The following MDGA2 variants were observed in gnomAD, a reference collection of about 807,000 sequenced individuals.
The protein encoded by MDGA2 is MAM domain-containing glycosylphosphatidylinositol anchor protein 2.
In MDGA2, 40 loss-of-function variants were observed where a neutral mutation model predicts 117.8. That is an observed-to-expected ratio of 0.34 (90% confidence interval 0.26 to 0.44). The LOEUF is 0.44. Ranked by LOEUF, MDGA2 falls within the 20% of genes least tolerant of loss-of-function variation. The probability of loss-of-function intolerance (pLI) is 1.00; values close to 1 mark genes in which losing one functional copy is unlikely to be tolerated. For synonymous variants in MDGA2, 452 were observed against 439.0 expected, an observed-to-expected ratio of 1.03 and a Z score of -0.37; for missense variants, 1,123 against 1,250.6, an observed-to-expected ratio of 0.90 and a Z score of 1.54.
intron 3 of MDGA2, among the ~76,000 whole-genome samples, chr14:47,177,650 T>C (rs966162416): frequency 6.6e-6 from 1 of 152,080 alleles, no homozygotes; most frequent in African/African-American, 2.4e-5. Flanking sequence ...GGGACTGTTG[T>C]GGCATGAGGG....
In MDGA2 at chr14:47,591,073, A is replaced by G. The variant is rs530621395; in HGVS notation, c.280+83444T>C. 3.8e-3 allele frequency among the ~76,000 whole-genome samples: 572 copies of G among 152,216 alleles called. 6 individuals are homozygous for G. The highest frequency in any genetic ancestry group is 0.013 in the African/African-American group (551 of 41,556). Reference sequence around the variant, plus strand: ...CACCTTTAAACTGGCAATGAATAGAACTTTGATAAGTCAAAAGAAATGATT... The same window carrying G: ...CACCTTTAAACTGGCAATGAATAGAGCTTTGATAAGTCAAAAGAAATGATT... On this transcript the variant is annotated intron_variant, in intron 1 of 16. Transcript: ENST00000399232.
At chr14:46,973,429 T>C (rs962125312) in intron 8 of MDGA2, among the ~76,000 whole-genome samples, 1 of 152,140 alleles carries the variant, frequency 6.6e-6, no homozygotes, top group Admixed American at 6.6e-5. Context: ...GTGCAGCTTA[T>C]ACATAAAGCT....
At chr14:47,199,529 G>C (rs113248754) in intron 3 of MDGA2, among the ~76,000 whole-genome samples, 3,148 of 152,194 alleles carry the variant, frequency 0.021, 115 homozygotes, top group African/African-American at 0.069. Context: ...GAGTGTACCT[G>C]AGAAAAACAT....
intron 1 of MDGA2, among the ~76,000 whole-genome samples, chr14:47,562,420 C>T (rs72670757): frequency 0.011 from 1,738 of 152,190 alleles, 13 homozygotes; most frequent in South Asian, 0.021. Context: ...AATATCAGAA[C>T]TCATTATTGG....
At chr14:47,634,939 C>A (rs1258800861) in intron 1 of MDGA2, among the ~76,000 whole-genome samples, 1 of 152,006 alleles carries the variant, frequency 6.6e-6, no homozygotes, top group African/African-American at 2.4e-5. Context: ...CATAGTTTAA[C>A]ACTTCTTTAA....
chr14:47,306,180 G>T (rs1889438691), intron 1 of MDGA2: 1 of 152,218 alleles, frequency 6.6e-6, no homozygotes, highest in Non-Finnish European at 1.5e-5. Context: ...CATTTTAGAG[G>T]TCTTGTTAGA....
chr14:46,887,605 T>C (rs894695614), intron 10 of MDGA2, among the ~76,000 whole-genome samples: 4 of 151,950 alleles, frequency 2.6e-5, no homozygotes, highest in African/African-American at 9.7e-5. Flanking sequence ...TGAATTTACA[T>C]ACAGTGGTGA....
intron 6 of MDGA2, among the ~76,000 whole-genome samples, chr14:47,069,671 CT>C (rs1890209462): frequency 6.6e-6 from 1 of 152,166 alleles, no homozygotes; most frequent in Non-Finnish European, 1.5e-5. Context: ...TTGATGTTCT[CT>C]TTCCTTTTGC....
intron 1 of MDGA2, among the ~76,000 whole-genome samples, chr14:47,406,669 A>G (rs1892267879): frequency 6.6e-6 from 1 of 152,044 alleles, no homozygotes; most frequent in South Asian, 2.1e-4. Context: ...TTTGGACTTA[A>G]TGGCTACTGA....
At chr14:46,898,781 A>G (rs545752602) in intron 10 of MDGA2, among the ~76,000 whole-genome samples, 2 of 152,236 alleles carry the variant, frequency 1.3e-5, no homozygotes, top group South Asian at 4.1e-4. Flanking sequence ...GGAAAATGAA[A>G]TATTTCATTA....
At chr14:47,321,540 A>G (rs1421133200) in intron 1 of MDGA2, among the ~76,000 whole-genome samples, 2 of 152,186 alleles carry the variant, frequency 1.3e-5, no homozygotes, top group African/African-American at 4.8e-5. Flanking sequence ...TGAGATTACC[A>G]TCTGCTATTC....
At chr14:47,379,570 T>C (rs1891564010) in intron 1 of MDGA2, among the ~76,000 whole-genome samples, 1 of 151,944 alleles carries the variant, frequency 6.6e-6, no homozygotes, top group Non-Finnish European at 1.5e-5. Context: ...GGGGTTACAA[T>C]CCTAGTCTCG....
At chr14:46,976,590 A>C (rs769445968) in intron 8 of MDGA2, among the ~76,000 whole-genome samples, 23 of 151,904 alleles carry the variant, frequency 1.5e-4, no homozygotes, top group Non-Finnish European at 2.8e-4. Flanking sequence ...ATTCTTTGAA[A>C]ATATAAAAAG....
intron 9 of MDGA2, among the ~76,000 whole-genome samples, chr14:46,927,588 T>A (rs1006305117): frequency 6.6e-6 from 1 of 152,154 alleles, no homozygotes; most frequent in Non-Finnish European, 1.5e-5. Context: ...AACAGTGAAG[T>A]CAATGACAAC....
chr14:47,548,965 A>G (rs1368437917), intron 1 of MDGA2, among the ~76,000 whole-genome samples: 1 of 152,178 alleles, frequency 6.6e-6, no homozygotes, highest in Non-Finnish European at 1.5e-5. Flanking sequence ...CTCCTGAGTG[A>G]TAGGCCTTTC....
intron 3 of MDGA2, among the ~76,000 whole-genome samples, chr14:47,160,297 C>A (rs1883578215): frequency 6.6e-6 from 1 of 152,168 alleles, no homozygotes; most frequent in Non-Finnish European, 1.5e-5. Context: ...CACCCTGTCC[C>A]AGTCCCTTGC....
chr14:47,623,186 CT>C (rs1897081042), intron 1 of MDGA2, among the ~76,000 whole-genome samples: 1 of 152,106 alleles, frequency 6.6e-6, no homozygotes, highest in Admixed American at 6.5e-5. Flanking sequence ...CTCACACATG[CT>C]TTTTTGCCTG....
chr14:47,118,634 GT>G (rs1292068486), intron 5 of MDGA2, among the ~76,000 whole-genome samples: 1 of 152,100 alleles, frequency 6.6e-6, no homozygotes. Context: ...GAATTATTTT[GT>G]TTTCCAAGTT....
At chr14:47,623,461 A>C (rs1048915928) in intron 1 of MDGA2, among the ~76,000 whole-genome samples, 1 of 152,228 alleles carries the variant, frequency 6.6e-6, no homozygotes, top group Non-Finnish European at 1.5e-5. Flanking sequence ...AAATTAGGTC[A>C]CATACAATAT....
Sources: allele counts gnomAD v4.1 joint callset (sites outside exome capture counted in the v4.1 genomes callset), GRCh38; gene constraint gnomAD v4.1.1; transcripts MANE v1.5; gene names NCBI Gene and HGNC (gene_info 2026-07-23, HGNC 2026-07-21).